Variants in SPAG5 observed in about 807,000 individuals in gnomAD.
SPAG5 encodes sperm-associated antigen 5.
A neutral mutation model predicts 145.4 loss-of-function variants in SPAG5; 99 were observed. The observed-to-expected ratio is 0.68, with a 90% CI of 0.58 to 0.80. The LOEUF (loss-of-function observed/expected upper bound fraction) is 0.80. Among genes scored for constraint, SPAG5 ranks in the 30% least tolerant of loss-of-function variants. The pLI is 0.00. For missense variants in SPAG5, 1,192 were observed against 1,416.0 expected (o/e 0.84, Z 2.54); for synonymous variants, 477 against 525.4 (o/e 0.91, Z 1.26).
chr17:28,591,515 T>C (rs1170849755), intron 4 of SPAG5, among the ~76,000 whole-genome samples, 183 bp downstream of exon 4: 1 of 152,226 alleles, frequency 6.6e-6, no homozygotes, highest in East Asian at 1.9e-4. Context: ...TCCTCCCACC[T>C]TGGCCTCCCA....
chr17:28,590,579 AAAC>A (rs1440473288), intron 4 of SPAG5, among the ~76,000 whole-genome samples: 3 of 151,998 alleles, frequency 2.0e-5, no homozygotes, highest in Admixed American at 1.3e-4. Context: ...TTCTTCACAT[AAAC>A]AACAGGGGCC....
In SPAG5 at chr17:28,592,504, C is replaced by T. The variant is rs145262806; in HGVS notation, c.740G>A (p.Trp247Ter). 6.2e-7 allele frequency: 1 copy of T among 1,613,936 alleles called. No individual in the cohort carries two copies. Among genetic ancestry groups the T allele is most frequent in the African/African-American group, 1.3e-5 (1 of 74,924 alleles). Residue 247 changes from tryptophan (W) to a stop codon, truncating the protein, a stop_gained, in exon 3 of 24, where the codon TGG (tryptophan) becomes TAG (stop). Transcript: ENST00000321765. LOFTEE classifies it high-confidence loss of function. ...TGCCAAGGCAGTTGAAGGGGAAAGC[C>T]AGAGAACAGAGGAAGGCAAGAAGGC... The part of the protein sequence containing the change: ...SNAFLPSSVL[W>*]LSPSTALAAD...
chr17:28,578,671 C>T lies in SPAG5; in HGVS notation c.3198+1G>A. The T allele has an allele frequency of 1.2e-6, 2 of 1,613,660 alleles. No homozygotes were observed. Among genetic ancestry groups the T allele is most frequent in the Non-Finnish European group, 1.7e-6 (2 of 1,179,552 alleles). On this transcript the variant is annotated splice_donor_variant, in intron 20 of 23. Coordinates refer to ENST00000321765, the MANE Select transcript of SPAG5 (RefSeq NM_006461.4). LOFTEE classifies it high-confidence loss of function. ...AGGCCTGGGCATGATGGTGAACATACTATGAGCTCGCCACTCTTGTCTATC... is the reference window on the plus strand; with the variant it reads ...AGGCCTGGGCATGATGGTGAACATATTATGAGCTCGCCACTCTTGTCTATC...
At chr17:28,578,969 A>C (rs2070528824) in intron 19 of SPAG5, among the ~76,000 whole-genome samples, 172 bp downstream of exon 19, 1 of 152,208 alleles carries the variant, frequency 6.6e-6, no homozygotes, top group South Asian at 2.1e-4. Flanking sequence ...CAGCCTGGGA[A>C]GACAGGTCAG....
chr17:28,593,132 T>G, intron 2 of SPAG5, 66 bp from the exon 3 acceptor site: 2 of 1,529,652 alleles, frequency 1.3e-6, no homozygotes, highest in South Asian at 2.6e-5. Flanking sequence ...CAATTACAGG[T>G]GCAAGATAGT....
chr17:28,587,163 C>T (rs1023652238), intron 4 of SPAG5, among the ~76,000 whole-genome samples: 8 of 151,896 alleles, frequency 5.3e-5, no homozygotes, highest in Non-Finnish European at 4.4e-5. Flanking sequence ...CCTGTAATCC[C>T]AGCACCTTCA....
chr17:28,578,702 T>C lies in SPAG5; in HGVS notation c.3168A>G (p.Leu1056=). 1.2e-6 allele frequency: 2 copies of C among 1,614,100 alleles called. 1 individual carries two copies. The highest frequency in any genetic ancestry group is 3.3e-4 in the Middle Eastern group (2 of 6,062). Reference sequence around the variant, plus strand: ...GCTCGCCACTCTTGTCTATCTGTTCTAGGATCTTCTCATTCTGCTGCTGTA... The same window carrying C: ...GCTCGCCACTCTTGTCTATCTGTTCCAGGATCTTCTCATTCTGCTGCTGTA... ...EVIQQQNEKI[L]EQIDKSGELI... The change falls in exon 20 of 24, where the codon CTA becomes CTG. Residue 1056 remains leucine, a synonymous_variant. Coordinates refer to ENST00000321765, the MANE Select transcript of SPAG5 (RefSeq NM_006461.4).
At chr17:28,584,096 A>G in intron 13 of SPAG5, 54 bp downstream of exon 13, 1 of 1,609,084 alleles carries the variant, frequency 6.2e-7, no homozygotes. Context: ...CTATCAGGCA[A>G]GAATCACACT....
intron 2 of SPAG5, among the ~76,000 whole-genome samples, chr17:28,593,332 T>C (rs1450673018): frequency 6.6e-6 from 1 of 152,168 alleles, no homozygotes; most frequent in Non-Finnish European, 1.5e-5. Context: ...AGATGGTAGC[T>C]TGAAAGTGAC....
chr17:28,581,436 GC>G (rs1382005893), intron 15 of SPAG5, among the ~76,000 whole-genome samples: 1 of 151,070 alleles, frequency 6.6e-6, no homozygotes, highest in Non-Finnish European at 1.5e-5. Flanking sequence ...TCCGGGATGT[GC>G]CCTTTCGACC....
chr17:28,583,972 C>T lies in SPAG5; in HGVS notation c.2427G>A (p.Glu809=), dbSNP rs11540041. The part of the protein sequence containing the change: ...LKETLEFADQ[E]NQVAHLELGQ... Reference sequence around the variant, plus strand: ...CCAGCTCCAGGTGAGCAACCTGATTCTCCTGGTCTGCAAACTGGGAAGACA... The same window carrying T: ...CCAGCTCCAGGTGAGCAACCTGATTTTCCTGGTCTGCAAACTGGGAAGACA... The change falls in exon 14 of 24, where the codon GAG becomes GAA. Residue 809 remains glutamate, a synonymous_variant. Transcript: ENST00000321765. 5.0e-6 allele frequency: 8 copies of T among 1,614,136 alleles called. No homozygotes were observed. Among genetic ancestry groups the T allele is most frequent in the Non-Finnish European group, 6.8e-6 (8 of 1,180,040 alleles).
chr17:28,593,554 C>G (rs2070639446), intron 2 of SPAG5, among the ~76,000 whole-genome samples: 1 of 152,056 alleles, frequency 6.6e-6, no homozygotes, highest in Non-Finnish European at 1.5e-5. Context: ...CTCATCTCTA[C>G]TAAAAATACA....
intron 4 of SPAG5, among the ~76,000 whole-genome samples, chr17:28,589,563 A>G (rs1441230261): frequency 6.6e-6 from 1 of 152,070 alleles, no homozygotes; most frequent in Non-Finnish European, 1.5e-5. Flanking sequence ...TTGAACATAT[A>G]TTTTTTATTT....
chr17:28,593,145 A>C (rs751067818), intron 2 of SPAG5, 79 bp from the exon 3 acceptor site: 85 of 1,511,514 alleles, frequency 5.6e-5, no homozygotes, highest in Non-Finnish European at 7.4e-5. Flanking sequence ...AAGATAGTGC[A>C]CTCAAAAAAG....
chr17:28,580,866 ACTTTTTCCCAGT>A (rs1333255859), intron 15 of SPAG5: 7 of 152,158 alleles, frequency 4.6e-5, no homozygotes, highest in African/African-American at 1.2e-4. Flanking sequence ...CCCTCTCTCA[ACTTTTTCCCAGT>A]CTTTTTCCCA....
intron 18 of SPAG5, 25 bp from the exon 19 acceptor site, chr17:28,579,277 C>T (rs754659113): frequency 1.2e-6 from 2 of 1,613,832 alleles, no homozygotes; most frequent in South Asian, 2.2e-5. Context: ...AATTTAGCAA[C>T]ATTCCTGTCC....
chr17:28,597,549 G>C (rs2070674821), intron 2 of SPAG5, among the ~76,000 whole-genome samples: 1 of 152,206 alleles, frequency 6.6e-6, no homozygotes, highest in Non-Finnish European at 1.5e-5. Context: ...AGTTCTATTG[G>C]ACAGTAGGTA....
chr17:28,588,121 C>T (rs920122789), intron 4 of SPAG5, among the ~76,000 whole-genome samples: 5 of 152,206 alleles, frequency 3.3e-5, no homozygotes, highest in African/African-American at 1.2e-4. Context: ...GGCTCCCTTC[C>T]CCAGCAAAGC....
At chr17:28,596,904 G>A (rs1468771679) in intron 2 of SPAG5, among the ~76,000 whole-genome samples, 1 of 151,506 alleles carries the variant, frequency 6.6e-6, no homozygotes, top group Non-Finnish European at 1.5e-5. Context: ...TCAGGAGTTC[G>A]AGACCAGCCT....
Sources: gnomAD v4.1 joint callset for allele counts (sites outside exome capture counted in the v4.1 genomes callset) on GRCh38, gnomAD v4.1.1 for gene constraint, MANE v1.5 for transcripts, NCBI Gene and HGNC (gene_info 2026-07-23, HGNC 2026-07-21) for gene names.